The following TMEM132B variants were observed in gnomAD, a reference collection of about 807,000 sequenced individuals.
TMEM132B encodes transmembrane protein 132B.
A neutral mutation model predicts 90.8 loss-of-function variants in TMEM132B; 18 were observed. The observed-to-expected ratio is 0.20, with a 90% CI of 0.14 to 0.29. The LOEUF is 0.29. TMEM132B is among the 10% of genes least tolerant of loss of function. The pLI is 1.00. For synonymous variants in TMEM132B, 504 were observed against 523.3 expected (o/e 0.96, Z 0.50); for missense variants, 1,096 against 1,326.8 (o/e 0.83, Z 2.70).
intron 2 of TMEM132B, among the ~76,000 whole-genome samples, chr12:125,369,507 A>G (rs1390927686): frequency 8.5e-5 from 13 of 152,200 alleles, no homozygotes. Flanking sequence ...TCATGAGAAG[A>G]AAAAAGAGCT....
chr12:125,532,518 ATT>A (rs35192475), intron 4 of TMEM132B, among the ~76,000 whole-genome samples: 1 of 144,250 alleles, frequency 6.9e-6, no homozygotes. Context: ...AGGAAGCTGT[ATT>A]TTTTTTTTTT....
chr12:125,375,918 G>A (rs766532132), intron 2 of TMEM132B, among the ~76,000 whole-genome samples: 37 of 152,340 alleles, frequency 2.4e-4, no homozygotes, highest in Admixed American at 5.2e-4. Context: ...CTTGGGAACC[G>A]CCAGGGAAGG....
chr12:125,575,178 C>T (rs1884914132), intron 4 of TMEM132B, among the ~76,000 whole-genome samples: 1 of 148,500 alleles, frequency 6.7e-6, no homozygotes, highest in Non-Finnish European at 1.5e-5. Context: ...ATTTTACACC[C>T]CACAGACAAT....
intron 1 of TMEM132B, among the ~76,000 whole-genome samples, chr12:125,281,941 T>G (rs1875191808): frequency 7.1e-6 from 1 of 140,498 alleles, no homozygotes; most frequent in Non-Finnish European, 1.5e-5. Context: ...GGCAGGAGAA[T>G]GGCGTGAACC....
At chr12:125,414,107 T>C (rs1879937823) in intron 2 of TMEM132B, among the ~76,000 whole-genome samples, 1 of 152,190 alleles carries the variant, frequency 6.6e-6, no homozygotes, top group African/African-American at 2.4e-5. Flanking sequence ...GTTGAGGGTA[T>C]TTTCATGTGT....
At chr12:125,337,433 C>T (rs1206312590) in intron 1 of TMEM132B, among the ~76,000 whole-genome samples, 1 of 152,096 alleles carries the variant, frequency 6.6e-6, no homozygotes, top group African/African-American at 2.4e-5. Context: ...TGCCCTAGGG[C>T]TTCAGTGTTT....
chr12:125,511,721 G>GT, intron 3 of TMEM132B, among the ~76,000 whole-genome samples: 1 of 151,686 alleles, frequency 6.6e-6, no homozygotes, highest in African/African-American at 2.4e-5. Context: ...GTGTGGTGGC[G>GT]GGCGCCTGTA....
Position 125,350,305 on chromosome 12 carries a change from T to C in TMEM132B, c.921T>C (p.Ser307=), listed in dbSNP as rs371520479. 4 of 1,613,556 alleles carry C rather than the reference T, an allele frequency of 2.5e-6. No individual in the cohort carries two copies. Among genetic ancestry groups the C allele is most frequent in the Middle Eastern group, 1.6e-4 (1 of 6,084 alleles). ...GGGACACGGCCACCTTTTTGGTCTC[T>C]CTGACCAGTAGCTCTGTGGCAGACC... ...REGDTATFLV[S]LTSSSVADQF... The change falls in exon 2 of 9, where the codon TCT becomes TCC. Residue 307 remains serine, a synonymous_variant. Coordinates refer to ENST00000682704, the MANE Select transcript of TMEM132B (RefSeq NM_001366854.1).
At position 125,608,586 on chromosome 12, in the gene TMEM132B, G is replaced by T. The variant is rs147180949; in HGVS notation, c.1437+24592G>T. 8.2e-3 allele frequency among the ~76,000 whole-genome samples: 1,252 copies of T among 152,232 alleles called. 17 individuals are homozygous for T. The highest frequency in any genetic ancestry group is 0.027 in the African/African-American group (1,122 of 41,524). On this transcript the variant is annotated intron_variant, in intron 5 of 8. Coordinates refer to ENST00000682704, the MANE Select transcript of TMEM132B (RefSeq NM_001366854.1). ...TTTTCAGTTTTGATCAAGTCTAAAT[G>T]TAACCAATTAACTTTTTATTCAATT...
At chr12:125,233,998 T>G (rs1019107094) in intron 1 of TMEM132B, among the ~76,000 whole-genome samples, 1 of 152,212 alleles carries the variant, frequency 6.6e-6, no homozygotes, top group Non-Finnish European at 1.5e-5. Flanking sequence ...ATTATGAAGA[T>G]GTATATAAGA....
chr12:125,444,395 A>G (rs1421777026), intron 3 of TMEM132B, among the ~76,000 whole-genome samples: 1 of 152,148 alleles, frequency 6.6e-6, no homozygotes. Flanking sequence ...ATAGCTGTTT[A>G]TAACTGTAAT....
chr12:125,225,841 C>G (rs1873669663), intron 1 of TMEM132B, among the ~76,000 whole-genome samples: 1 of 152,154 alleles, frequency 6.6e-6, no homozygotes, highest in Admixed American at 6.5e-5. Context: ...CAGGCTCAGT[C>G]ACATGACCAC....
chr12:125,591,171 T>C (rs185802736), intron 5 of TMEM132B, among the ~76,000 whole-genome samples: 1 of 152,310 alleles, frequency 6.6e-6, no homozygotes, highest in Admixed American at 6.5e-5. Flanking sequence ...AAAAGATGTA[T>C]TTTCATTTTT....
In TMEM132B at chr12:125,209,005, G is replaced by A. The variant is rs900579668; in HGVS notation, c.67+22139G>A. On this transcript the variant is annotated intron_variant, in intron 1 of 8. Coordinates refer to ENST00000682704, the MANE Select transcript of TMEM132B (RefSeq NM_001366854.1). The surrounding 1 kb of genome is among the most constrained non-coding windows in gnomAD (Gnocchi z 4.4). Reference sequence around the variant, plus strand: ...GTGCTGCGTCCCCTCTGAGTGCTGCGGCCACTCGAATGTCAACTGAGCCCG... The same window carrying A: ...GTGCTGCGTCCCCTCTGAGTGCTGCAGCCACTCGAATGTCAACTGAGCCCG... 9.9e-5 allele frequency among the ~76,000 whole-genome samples: 15 copies of A among 152,084 alleles called. No homozygotes were observed. The highest frequency in any genetic ancestry group is 3.1e-4 in the African/African-American group (13 of 41,402).
chr12:125,531,390 T>A (rs1566065151), intron 4 of TMEM132B, among the ~76,000 whole-genome samples: 1 of 152,162 alleles, frequency 6.6e-6, no homozygotes, highest in Admixed American at 6.5e-5. Context: ...AGTCTCACTA[T>A]GTTGCCCAGG....
intron 2 of TMEM132B, among the ~76,000 whole-genome samples, chr12:125,413,383 G>T (rs1330162432): frequency 1.3e-5 from 2 of 151,876 alleles, no homozygotes; most frequent in Non-Finnish European, 2.9e-5. Flanking sequence ...CATTTCACTG[G>T]CAATTAGTAC....
At chr12:125,479,430 A>G (rs1244663080) in intron 3 of TMEM132B, among the ~76,000 whole-genome samples, 1 of 152,230 alleles carries the variant, frequency 6.6e-6, no homozygotes, top group African/African-American at 2.4e-5. Context: ...TACTAAGCAA[A>G]TGGAAAGCAA....
intron 5 of TMEM132B, among the ~76,000 whole-genome samples, chr12:125,635,251 C>A (rs1283434762): frequency 6.6e-6 from 1 of 152,178 alleles, no homozygotes; most frequent in Non-Finnish European, 1.5e-5. Flanking sequence ...CACATCAACC[C>A]GTCATCTACA....
intron 1 of TMEM132B, among the ~76,000 whole-genome samples, chr12:125,187,214 G>C (rs891887012): frequency 6.6e-6 from 1 of 152,198 alleles, no homozygotes; most frequent in African/African-American, 2.4e-5. Flanking sequence ...CCAGGTCCCA[G>C]TTCCTCCAGG....
Sources: gnomAD v4.1 joint callset for allele counts (sites outside exome capture counted in the v4.1 genomes callset) on GRCh38, gnomAD v4.1.1 for gene constraint, Gnocchi (gnomAD v3.1) non-coding constraint, MANE v1.5 for transcripts, NCBI Gene and HGNC (gene_info 2026-07-23, HGNC 2026-07-21) for gene names.